Variants in NXPE2 observed in about 807,000 individuals in gnomAD.
The protein encoded by NXPE2 is NXPE family member 2.
A neutral mutation model predicts 34.4 loss-of-function variants in NXPE2; 34 were observed. The ratio of observed to expected loss-of-function variants is 0.99; its 90% CI spans 0.75 to 1.31. The LOEUF (loss-of-function observed/expected upper bound fraction) is 1.31, where lower values mean the gene tolerates loss of function less well. NXPE2 is among the 40% of genes most tolerant of loss of function. The probability of loss-of-function intolerance (pLI) is 0.00; values close to 1 mark genes in which losing one functional copy is unlikely to be tolerated. For missense variants in NXPE2, 649 were observed against 672.5 expected (o/e 0.97, Z 0.39); for synonymous variants, 235 against 231.3 (o/e 1.02, Z -0.15).
the NXPE2 span, among the ~76,000 whole-genome samples, chr11:114,621,890 G>C: frequency 6.6e-6 from 1 of 151,866 alleles, no homozygotes; most frequent in Admixed American, 6.6e-5. Context: ...AATAAGTATT[G>C]ATTTGTGGGT....
the NXPE2 span, among the ~76,000 whole-genome samples, chr11:114,489,635 A>T: frequency 6.6e-6 from 1 of 152,232 alleles, no homozygotes; most frequent in Non-Finnish European, 1.5e-5. Context: ...GATGCAGAAA[A>T]GGCCTTTGAC....
At chr11:114,810,449 A>G in the NXPE2 span, among the ~76,000 whole-genome samples, 6 of 137,484 alleles carry the variant, frequency 4.4e-5, no homozygotes, top group East Asian at 1.1e-3. Context: ...TCATCTGACA[A>G]AGGGCTAATA....
the NXPE2 span, among the ~76,000 whole-genome samples, chr11:114,633,713 C>T: frequency 1.3e-5 from 2 of 149,462 alleles, no homozygotes; most frequent in East Asian, 2.0e-4. Flanking sequence ...GAACATGTGG[C>T]GTTTGGTTTT....
the NXPE2 span, among the ~76,000 whole-genome samples, chr11:114,635,049 T>G: frequency 6.6e-6 from 1 of 152,142 alleles, no homozygotes; most frequent in Admixed American, 6.6e-5. Context: ...ATAAATTACC[T>G]TGGGTAGTAT....
chr11:114,620,387 AACCACTGTT>A, the NXPE2 span, among the ~76,000 whole-genome samples: 4 of 152,006 alleles, frequency 2.6e-5, no homozygotes, highest in African/African-American at 9.7e-5. Context: ...CCTCGTGGGT[AACCACTGTT>A]ACCCATTGGA....
the NXPE2 span, among the ~76,000 whole-genome samples, chr11:114,550,366 G>A: frequency 6.6e-6 from 1 of 152,054 alleles, no homozygotes; most frequent in Non-Finnish European, 1.5e-5. Context: ...GGATGGTATT[G>A]ATGCATGAAT....
At chr11:114,721,436 G>A in the NXPE2 span, among the ~76,000 whole-genome samples, 3 of 152,070 alleles carry the variant, frequency 2.0e-5, no homozygotes, top group Admixed American at 1.3e-4. Context: ...GATACAACCT[G>A]CTGCTGTTTC....
the NXPE2 span, among the ~76,000 whole-genome samples, chr11:114,464,950 G>T: frequency 6.6e-6 from 1 of 152,138 alleles, no homozygotes; most frequent in African/African-American, 2.4e-5. Context: ...GGAAAAAAAT[G>T]TTCACCTCAT....
At chr11:114,545,206 C>G in the NXPE2 span, among the ~76,000 whole-genome samples, 1 of 152,118 alleles carries the variant, frequency 6.6e-6, no homozygotes, top group Admixed American at 6.5e-5. Context: ...AGCAGTTTTT[C>G]TCCTGTATAC....
chr11:114,749,767 A>T, the NXPE2 span, among the ~76,000 whole-genome samples: 10 of 152,168 alleles, frequency 6.6e-5, no homozygotes, highest in Admixed American at 5.2e-4. Flanking sequence ...ACTGGCCGTC[A>T]CCTCTGTGGG....
chr11:114,587,640 C>T, the NXPE2 span, among the ~76,000 whole-genome samples: 7 of 152,276 alleles, frequency 4.6e-5, no homozygotes, highest in South Asian at 1.5e-3. Context: ...TAAAAGATGC[C>T]AGGGCTCAGG....
At chr11:114,516,428 T>C in the NXPE2 span, among the ~76,000 whole-genome samples, 91,075 of 151,954 alleles carry the variant, frequency 0.6, 29,083 homozygotes, top group African/African-American at 0.84. Context: ...GATACAGTGA[T>C]GGAGTATCAA....
At chr11:114,659,171 G>T in the NXPE2 span, among the ~76,000 whole-genome samples, 11 of 152,146 alleles carry the variant, frequency 7.2e-5, no homozygotes, top group Admixed American at 5.2e-4. Context: ...CATGAATATT[G>T]TTTATGTTAA....
At chr11:114,691,525 G>A (rs758476569) in intron 2 of NXPE2, among the ~76,000 whole-genome samples, 3 of 152,106 alleles carry the variant, frequency 2.0e-5, no homozygotes, top group African/African-American at 2.4e-5. Flanking sequence ...AGTGTGAATC[G>A]TGCCCTCTCC....
chr11:114,683,940 G>A (rs1591428448), intron 2 of NXPE2, among the ~76,000 whole-genome samples: 1 of 11,174 alleles, frequency 8.9e-5, no homozygotes, highest in Admixed American at 1.6e-3. Flanking sequence ...GGAGTTACAT[G>A]TTACATTCCA....
At chr11:114,581,208 A>G in the NXPE2 span, among the ~76,000 whole-genome samples, 1 of 152,192 alleles carries the variant, frequency 6.6e-6, no homozygotes, top group African/African-American at 2.4e-5. Context: ...GGCTATTTGG[A>G]TTCAAAGAAA....
At chr11:114,621,744 A>G in the NXPE2 span, among the ~76,000 whole-genome samples, 3 of 149,790 alleles carry the variant, frequency 2.0e-5, no homozygotes, top group Admixed American at 1.3e-4. Flanking sequence ...ACCACGGTTA[A>G]CTGCTAGATA....
the NXPE2 span, among the ~76,000 whole-genome samples, chr11:114,564,386 A>G: frequency 2.6e-5 from 4 of 152,176 alleles, no homozygotes; most frequent in Non-Finnish European, 4.4e-5. Flanking sequence ...TCAATGCACC[A>G]AAATCTCATA....
At chr11:114,571,285 C>G in the NXPE2 span, 1 of 1,613,990 alleles carries the variant, frequency 6.2e-7, no homozygotes, top group Non-Finnish European at 8.5e-7. Flanking sequence ...ATAACAATGA[C>G]AGTATTTTTT....
Sources: gnomAD v4.1 joint callset for allele counts (sites outside exome capture counted in the v4.1 genomes callset) on GRCh38, gnomAD v4.1.1 for gene constraint, MANE v1.5 for transcripts, NCBI Gene and HGNC (gene_info 2026-07-23, HGNC 2026-07-21) for gene names.